The following DGLUCY variants were observed in gnomAD, a reference collection of about 807,000 sequenced individuals.
The protein encoded by DGLUCY is D-glutamate cyclase, mitochondrial.
In DGLUCY, 58 loss-of-function variants were observed where a neutral mutation model predicts 58.5. The observed-to-expected ratio is 0.99, with a 90% CI of 0.80 to 1.23. The LOEUF (loss-of-function observed/expected upper bound fraction) is 1.23, where lower values mean the gene tolerates loss of function less well. DGLUCY is among the 50% of genes most tolerant of loss of function. The pLI is 0.00. For synonymous variants in DGLUCY, 325 were observed against 314.1 expected (o/e 1.03, Z -0.37); for missense variants, 779 against 784.7 (o/e 0.99, Z 0.09).
Position 91,170,011 on chromosome 14 carries a change from A to T in DGLUCY, c.266A>T (p.His89Leu). 6.2e-7 allele frequency: 1 copy of T among 1,612,150 alleles called. No individual in the cohort carries two copies. ...QGAISETRMG[H>L]PQFWKYEFGA... ...TCCCCTTATGTCCCCAGGATGGGCC[A>T]TCCCCAGTTCTGGAAATACGAGTTC... is the stretch of plus-strand genomic sequence containing the variant. The change falls in exon 5 of 14, where the codon CAT becomes CTT. Residue 89 changes from histidine (H) to leucine (L), a missense_variant. Physicochemically the swap from His to Leu is moderately conservative, Grantham distance 99. Transcript: ENST00000256324.
At position 91,204,801 on chromosome 14, in the gene DGLUCY, G is replaced by A. The variant is rs1240807773; in HGVS notation, c.1540G>A (p.Glu514Lys). 3.1e-6 allele frequency: 5 copies of A among 1,614,010 alleles called. No individual in the cohort carries two copies. The African/African-American group carries it at 6.7e-5, about 22-fold the overall frequency. ...CGGGGATGTCATCGCCTGCGACGTG[G>A]AGGCTGACTTTGCCGTCATTGCTGG... ...RHGDVIACDV[E>K]ADFAVIAGVS... is the part of the protein sequence containing the mutation. The change falls in exon 12 of 14, where the codon GAG (glutamate) becomes AAG (lysine). Residue 514 changes from glutamate to lysine, a missense_variant. Physicochemically the swap from Glu to Lys is moderately conservative, Grantham distance 56 (BLOSUM62 1). Coordinates refer to ENST00000256324, the MANE Select transcript of DGLUCY (RefSeq NM_001102368.3).
intron 1 of DGLUCY, among the ~76,000 whole-genome samples, chr14:91,150,506 A>G (rs777477883): frequency 2.4e-4 from 37 of 152,072 alleles, no homozygotes; most frequent in Non-Finnish European, 4.6e-4. Context: ...CAGTGGTGCA[A>G]TCGTGGCTCA....
At chr14:91,222,018 C>T (rs1459357763) in intron 13 of DGLUCY, among the ~76,000 whole-genome samples, 2 of 152,204 alleles carry the variant, frequency 1.3e-5, no homozygotes, top group Admixed American at 6.5e-5. Context: ...ACCCTGGGGC[C>T]TCTGTCCCCA....
At chr14:91,087,835 A>C (rs918492028) in intron 1 of DGLUCY, among the ~76,000 whole-genome samples, 30 of 152,230 alleles carry the variant, frequency 2.0e-4, no homozygotes, top group African/African-American at 7.2e-4. Context: ...CCTTCTGCAG[A>C]AAGTAAAAAT....
At chr14:91,212,965 C>CA (rs1263739596) in intron 12 of DGLUCY, among the ~76,000 whole-genome samples, 4 of 150,940 alleles carry the variant, frequency 2.7e-5, no homozygotes, top group Admixed American at 6.6e-5. Flanking sequence ...CATGCCACTG[C>CA]ACTCCAGCCC....
chr14:91,149,257 AAAAAGAAAAG>A (rs1267387573), intron 1 of DGLUCY, among the ~76,000 whole-genome samples: 65 of 152,142 alleles, frequency 4.3e-4, no homozygotes, highest in African/African-American at 7.5e-4. Context: ...CAAAAAAAAA[AAAAAGAAAAG>A]AAAAGAAAAG....
At chr14:91,178,548 C>T (rs1219365128) in intron 7 of DGLUCY, among the ~76,000 whole-genome samples, 2 of 152,218 alleles carry the variant, frequency 1.3e-5, no homozygotes, top group African/African-American at 4.8e-5. Flanking sequence ...CCGTGTCATG[C>T]TCTGAGCTGA....
chr14:91,224,609 C>G, intron 13 of DGLUCY, 75 bp from the exon 14 acceptor site: 4 of 1,429,570 alleles, frequency 2.8e-6, no homozygotes, highest in Non-Finnish European at 3.7e-6. Flanking sequence ...ATCCTTCTCA[C>G]TTATAAATGT....
At chr14:91,131,243 C>T (rs1372054678) in intron 1 of DGLUCY, among the ~76,000 whole-genome samples, 5 of 152,144 alleles carry the variant, frequency 3.3e-5, no homozygotes, top group Admixed American at 2.6e-4. Flanking sequence ...GAATATCATG[C>T]CTCAGTGTTA....
intron 1 of DGLUCY, among the ~76,000 whole-genome samples, chr14:91,135,653 TAAAA>T (rs60532081): frequency 2.0e-5 from 2 of 100,314 alleles, no homozygotes; most frequent in African/African-American, 4.0e-5. Context: ...TCTGCCTCAT[TAAAA>T]AAAAAAAAAA....
chr14:91,174,413 C>A (rs2048746900), intron 6 of DGLUCY, among the ~76,000 whole-genome samples: 2 of 152,200 alleles, frequency 1.3e-5, no homozygotes, highest in Non-Finnish European at 1.5e-5. Context: ...TCAAGCGATT[C>A]TCCTGCCTCA....
At chr14:91,202,816 G>C (rs1183912049) in intron 11 of DGLUCY, among the ~76,000 whole-genome samples, 1 of 152,120 alleles carries the variant, frequency 6.6e-6, no homozygotes, top group South Asian at 2.1e-4. Context: ...TCATGGCTTC[G>C]AACCGCCCCC....
In DGLUCY at chr14:91,224,739, G is replaced by T. The variant is rs1383570213; in HGVS notation, c.1772G>T (p.Gly591Val). The change falls in exon 14 of 14, where the codon GGC (glycine) becomes GTC (valine). Residue 591 changes from glycine to valine, a missense_variant. Coordinates refer to ENST00000256324, the MANE Select transcript of DGLUCY (RefSeq NM_001102368.3). ...VQHKVRSGVS[G>V]IVGMEVDGLP... is the part of the protein sequence containing the mutation. The stretch of plus-strand genomic sequence containing the variant: ...CACAAAGTCCGGAGTGGCGTCTCGG[G>T]CATCGTGGGCATGGAGGTGGATGGG... 2 of 1,613,552 alleles carry T rather than the reference G, an allele frequency of 1.2e-6. No individual in the cohort carries two copies. Among genetic ancestry groups the T allele is most frequent in the East Asian group, 2.2e-5 (1 of 44,858 alleles).
At chr14:91,143,544 C>T (rs2046854098) in intron 1 of DGLUCY, among the ~76,000 whole-genome samples, 1 of 152,222 alleles carries the variant, frequency 6.6e-6, no homozygotes, top group Non-Finnish European at 1.5e-5. Context: ...CGTTTCTCCA[C>T]ACGCTCTGCC....
intron 1 of DGLUCY, among the ~76,000 whole-genome samples, chr14:91,151,263 G>A (rs527732396): frequency 1.3e-4 from 20 of 152,078 alleles, no homozygotes; most frequent in South Asian, 8.3e-4. Flanking sequence ...TTTTTGAGAC[G>A]GAGTCTCGCT....
intron 13 of DGLUCY, among the ~76,000 whole-genome samples, chr14:91,223,964 C>T (rs747926516): frequency 1.3e-5 from 2 of 152,168 alleles, no homozygotes; most frequent in Non-Finnish European, 2.9e-5. Flanking sequence ...CTGCTAGGCC[C>T]CGGGCTGCGG....
chr14:91,171,491 C>G (rs1434002016), intron 5 of DGLUCY, among the ~76,000 whole-genome samples: 1 of 152,220 alleles, frequency 6.6e-6, no homozygotes, highest in Admixed American at 6.5e-5. Flanking sequence ...ATTCCATTGG[C>G]CACCCCCAGA....
At chr14:91,148,053 A>G (rs925432933) in intron 1 of DGLUCY, among the ~76,000 whole-genome samples, 2 of 152,048 alleles carry the variant, frequency 1.3e-5, no homozygotes, top group African/African-American at 4.8e-5. Context: ...ACGCACCTGT[A>G]ATCCCAGCTA....
chr14:91,182,906 ATTTTATTTTATTTTATT>A (rs1473811201), intron 8 of DGLUCY, among the ~76,000 whole-genome samples: 5 of 147,878 alleles, frequency 3.4e-5, no homozygotes, highest in African/African-American at 7.4e-5. Flanking sequence ...TAGTTATTTT[ATTTTATTTTATTTTATT>A]TTTTATTTTA....
Sources: gnomAD v4.1 joint callset for allele counts (sites outside exome capture counted in the v4.1 genomes callset) on GRCh38, gnomAD v4.1.1 for gene constraint, MANE v1.5 for transcripts, NCBI Gene and HGNC (gene_info 2026-07-23, HGNC 2026-07-21) for gene names.